The following FBN1 variants were observed in gnomAD, a reference collection of about 807,000 sequenced individuals.
The protein encoded by FBN1 is fibrillin-1.
FBN1 carries 29 observed loss-of-function variants against 365.1 expected under a neutral mutation model. The ratio of observed to expected loss-of-function variants is 0.08; its 90% CI spans 0.06 to 0.11. FBN1 has a LOEUF of 0.11. Among genes scored for constraint, FBN1 ranks in the 10% least tolerant of loss-of-function variants. The pLI is 1.00. For synonymous variants in FBN1, 1,210 were observed against 1,270.5 expected (o/e 0.95, Z 1.01); for missense variants, 2,476 against 3,703.2 (o/e 0.67, Z 8.60).
intron 57 of FBN1, 62 bp from the exon 58 acceptor site, chr15:48,427,835 A>T (rs1223691495): frequency 6.6e-7 from 1 of 1,525,184 alleles, no homozygotes; most frequent in South Asian, 1.2e-5. Context: ...ACAAAATATT[A>T]AAAATTTGGT....
chr15:48,628,157 C>A (rs1324071347), intron 2 of FBN1, among the ~76,000 whole-genome samples: 1 of 152,210 alleles, frequency 6.6e-6, no homozygotes, highest in East Asian at 1.9e-4. Flanking sequence ...GCGCACGTAT[C>A]ATCCCCTACA....
At chr15:48,526,356 T>C in intron 8 of FBN1, 101 bp from the exon 9 acceptor site, 1 of 1,278,440 alleles carries the variant, frequency 7.8e-7, no homozygotes, top group Admixed American at 1.8e-5. Flanking sequence ...ATCATGTCCC[T>C]GGAAACAGCC....
chr15:48,550,481 T>C lies in FBN1; in HGVS notation c.539-12673A>G, dbSNP rs906115608. On this transcript the variant is annotated intron_variant, in intron 6 of 65. Coordinates refer to ENST00000316623, the MANE Select transcript of FBN1 (RefSeq NM_000138.5). ...ATTTACCACCTCAACAGCTTCTTTA[T>C]TGCCCCTCCTCTGAAATTCAATTGC... Among the ~76,000 whole-genome samples the C allele has an allele frequency of 3.3e-5, 5 of 152,146 alleles. No homozygotes were observed. In the East Asian group the frequency reaches 9.6e-4, roughly 29 times the overall value.
chr15:48,428,223 A>C, intron 57 of FBN1, 123 bp downstream of exon 57: 2 of 1,296,860 alleles, frequency 1.5e-6, no homozygotes, highest in South Asian at 1.3e-5. Flanking sequence ...TCTCCAAAAT[A>C]TGAACATTTT....
intron 4 of FBN1, among the ~76,000 whole-genome samples, chr15:48,602,147 C>T (rs2044572653): frequency 6.6e-6 from 1 of 152,168 alleles, no homozygotes; most frequent in African/African-American, 2.4e-5. Context: ...CAACACAACA[C>T]ACACACAGTT....
chr15:48,436,286 C>A lies in FBN1; in HGVS notation c.6496+675G>T, dbSNP rs533573243. Among the ~76,000 whole-genome samples the A allele has an allele frequency of 5.3e-5, 8 of 152,320 alleles. No individual in the cohort carries two copies. In the South Asian group the frequency reaches 1.2e-3, roughly 24 times the overall value. On this transcript the variant is annotated intron_variant, in intron 53 of 65. Coordinates refer to ENST00000316623, the MANE Select transcript of FBN1 (RefSeq NM_000138.5). ...GCTAAAAAAACTGCTTAAACTCCCACAGCCATAGCTGGAGCTGAAATCTTC... is the reference window on the plus strand; with the variant it reads ...GCTAAAAAAACTGCTTAAACTCCCAAAGCCATAGCTGGAGCTGAAATCTTC...
chr15:48,472,828 T>C (rs2141278264), intron 34 of FBN1, 152 bp from the exon 35 acceptor site: 1 of 1,002,972 alleles, frequency 1.0e-6, no homozygotes, highest in East Asian at 2.6e-5. Flanking sequence ...AGGCTAACAC[T>C]GAATATGAAA....
chr15:48,583,229 G>A (rs866102746), intron 6 of FBN1, among the ~76,000 whole-genome samples: 2 of 152,180 alleles, frequency 1.3e-5, no homozygotes, highest in Admixed American at 6.5e-5. Flanking sequence ...TCCTCTCTTC[G>A]TCTTAGAACA....
intron 45 of FBN1, among the ~76,000 whole-genome samples, chr15:48,451,440 A>G (rs2043200417): frequency 6.6e-6 from 1 of 152,200 alleles, no homozygotes; most frequent in African/African-American, 2.4e-5. Flanking sequence ...ATTTTCCTTT[A>G]AACTCAACAA....
chr15:48,455,381 T>C (rs1201273242), intron 44 of FBN1, among the ~76,000 whole-genome samples: 1 of 152,044 alleles, frequency 6.6e-6, no homozygotes, highest in African/African-American at 2.4e-5. Flanking sequence ...CTTCAGCAAA[T>C]ATAAGTGGTT....
intron 45 of FBN1, among the ~76,000 whole-genome samples, chr15:48,451,913 C>T (rs2043204502): frequency 6.6e-6 from 1 of 152,164 alleles, no homozygotes; most frequent in Non-Finnish European, 1.5e-5. Context: ...AACATGCCAA[C>T]GTGCTTCCTA....
At chr15:48,637,883 G>A (rs372784613) in intron 2 of FBN1, among the ~76,000 whole-genome samples, 95 of 152,246 alleles carry the variant, frequency 6.2e-4, no homozygotes, top group African/African-American at 2.2e-3. Context: ...AGTTTTATGG[G>A]CCATACTGTC....
intron 6 of FBN1, among the ~76,000 whole-genome samples, chr15:48,584,206 T>C (rs1566932298): frequency 6.6e-6 from 1 of 152,154 alleles, no homozygotes; most frequent in Non-Finnish European, 1.5e-5. Context: ...TTCCTGACAA[T>C]CTTACTAGAT....
chr15:48,547,221 A>G (rs773968646), intron 6 of FBN1, among the ~76,000 whole-genome samples: 12 of 152,142 alleles, frequency 7.9e-5, no homozygotes, highest in Non-Finnish European at 1.5e-4. Context: ...ACATTTATGT[A>G]TAAACATTAG....
At chr15:48,526,394 G>A (rs2043915444) in intron 8 of FBN1, 139 bp from the exon 9 acceptor site, 1 of 842,742 alleles carries the variant, frequency 1.2e-6, no homozygotes, top group African/African-American at 1.7e-5. Flanking sequence ...ACCGCATGGA[G>A]AACAGTCAAT....
intron 6 of FBN1, among the ~76,000 whole-genome samples, chr15:48,564,721 C>G (rs1249129158): frequency 6.6e-6 from 1 of 152,150 alleles, no homozygotes; most frequent in Admixed American, 6.6e-5. Context: ...AAGGTCCCAA[C>G]AGAAACTTGG....
intron 53 of FBN1, 147 bp from the exon 54 acceptor site, chr15:48,434,860 C>A: frequency 1.1e-6 from 1 of 933,660 alleles, no homozygotes; most frequent in African/African-American, 1.6e-5. Context: ...TGCTGTGGCG[C>A]GATTTCAGCT....
intron 60 of FBN1, among the ~76,000 whole-genome samples, chr15:48,423,137 G>C (rs903420332): frequency 6.6e-6 from 1 of 152,194 alleles, no homozygotes. Flanking sequence ...GAAATGTTGT[G>C]TTCTAGCTTC....
intron 64 of FBN1, among the ~76,000 whole-genome samples, chr15:48,414,386 G>A (rs2042886107): frequency 6.6e-6 from 1 of 152,186 alleles, no homozygotes; most frequent in East Asian, 1.9e-4. Flanking sequence ...AAGTGTGGAT[G>A]TGTGTGGGGG....
Sources: allele counts gnomAD v4.1 joint callset (sites outside exome capture counted in the v4.1 genomes callset), GRCh38; gene constraint gnomAD v4.1.1; transcripts MANE v1.5; gene names NCBI Gene and HGNC (gene_info 2026-07-23, HGNC 2026-07-21).